The following MDFIC variants were observed in gnomAD, a reference collection of about 807,000 sequenced individuals.
MDFIC encodes myoD family inhibitor domain-containing protein.
MDFIC carries 17 observed loss-of-function variants against 23.2 expected under a neutral mutation model. That is an observed-to-expected ratio of 0.73 (90% CI 0.50 to 1.10). The LOEUF (loss-of-function observed/expected upper bound fraction) is 1.10, where lower values mean the gene tolerates loss of function less well. Ranked by LOEUF, MDFIC falls within the 50% of genes least tolerant of loss-of-function variation. MDFIC has a pLI of 0.00. For synonymous variants in MDFIC, 120 were observed against 115.2 expected (o/e 1.04, Z -0.27); for missense variants, 356 against 316.6 (o/e 1.12, Z -0.95).
At position 114,979,445 on chromosome 7, in the gene MDFIC, T is replaced by G. The variant is rs946946352; in HGVS notation, c.218-61T>G. The G allele has an allele frequency of 4.7e-6, 7 of 1,474,316 alleles. No homozygotes were observed. In the African/African-American group the frequency reaches 1.0e-4, roughly 21 times the overall value. The allele number at this position is 1,474,316 out of a possible 1,614,324, so 91.3% of individuals were successfully genotyped here. On this transcript the variant is annotated intron_variant, in intron 3 of 4. Coordinates refer to ENST00000393486, the MANE Select transcript of MDFIC (RefSeq NM_001166345.3). ...TCTCTGTTACTGAATGTATTTTCAT[T>G]ATTTTAAAATATTAATTTCTTTTTC...
chr7:114,934,913 T>C (rs1406158013), intron 2 of MDFIC, among the ~76,000 whole-genome samples: 1 of 152,140 alleles, frequency 6.6e-6, no homozygotes, highest in Non-Finnish European at 1.5e-5. Context: ...GTCATTAGGC[T>C]TGAGGGTTTT....
intron 3 of MDFIC, among the ~76,000 whole-genome samples, chr7:114,957,017 T>C (rs1409723848): frequency 6.6e-6 from 1 of 152,160 alleles, no homozygotes; most frequent in Non-Finnish European, 1.5e-5. Context: ...AGAGATGTCA[T>C]CATTGTTCAG....
intron 4 of MDFIC, chr7:114,980,037 T>C (rs538267262): frequency 3.2e-4 from 155 of 482,750 alleles, no homozygotes; most frequent in Non-Finnish European, 4.7e-4. Context: ...GCTATACTTC[T>C]TTTTTTAATG....
At chr7:115,009,630 T>C (rs1484391414) in intron 4 of MDFIC, among the ~76,000 whole-genome samples, 1 of 152,208 alleles carries the variant, frequency 6.6e-6, no homozygotes, top group African/African-American at 2.4e-5. Context: ...TTCACCAGAC[T>C]TCTAAGATGC....
At position 114,995,104 on chromosome 7, in the gene MDFIC, C is replaced by T. The variant is rs183367790; in HGVS notation, c.493+15323C>T. On this transcript the variant is annotated intron_variant, in intron 4 of 4. Transcript: ENST00000393486. ...CACTTCATTTCATTCATTTGATCTT[C>T]AGTCACTGATACCCTTTCTTCCAGT... is the stretch of plus-strand genomic sequence containing the variant. Among the ~76,000 whole-genome samples the T allele has an allele frequency of 2.7e-3, 407 of 152,294 alleles. 1 individual carries two copies. The highest frequency in any genetic ancestry group is 8.6e-3 in the African/African-American group (358 of 41,554).
chr7:114,960,117 C>T (rs1792958106), intron 3 of MDFIC, among the ~76,000 whole-genome samples: 1 of 152,138 alleles, frequency 6.6e-6, no homozygotes, highest in Non-Finnish European at 1.5e-5. Flanking sequence ...TAAACTTTTG[C>T]ATCTTTGAAA....
intron 4 of MDFIC, among the ~76,000 whole-genome samples, chr7:114,990,650 C>A (rs906196693): frequency 1.3e-5 from 2 of 152,164 alleles, no homozygotes; most frequent in Non-Finnish European, 2.9e-5. Flanking sequence ...TTTCCAGATT[C>A]ATCCATGTCC....
chr7:114,942,758 G>T (rs1245147359), intron 3 of MDFIC, among the ~76,000 whole-genome samples: 1 of 152,078 alleles, frequency 6.6e-6, no homozygotes, highest in Non-Finnish European at 1.5e-5. Flanking sequence ...TGCTACTATG[G>T]TCTCTGTTCT....
At position 115,015,901 on chromosome 7, in the gene MDFIC, G is replaced by A; in HGVS notation, c.707G>A (p.Cys236Tyr). 6.2e-7 allele frequency: 1 copy of A among 1,614,002 alleles called. No individual in the cohort carries two copies. The highest frequency in any genetic ancestry group is 8.5e-7 in the Non-Finnish European group (1 of 1,179,946). Residue 236 changes from cysteine (C) to tyrosine (Y), a missense_variant, in exon 5 of 5, where the codon TGT (cysteine) becomes TAT (tyrosine). By Grantham distance (194) the Cys-to-Tyr change is radical. Coordinates refer to ENST00000393486, the MANE Select transcript of MDFIC (RefSeq NM_001166345.3). Reference sequence around the variant, plus strand: ...GAATCATCAGACTGCTTGGAAATCTGTATGGAATGCTGTGGAATTTGTTTT... The same window carrying A: ...GAATCATCAGACTGCTTGGAAATCTATATGGAATGCTGTGGAATTTGTTTT... ...CCESSDCLEI[C>Y]MECCGICFPS
At chr7:114,986,869 GA>G (rs1793524331) in intron 4 of MDFIC, among the ~76,000 whole-genome samples, 1 of 152,140 alleles carries the variant, frequency 6.6e-6, no homozygotes, top group African/African-American at 2.4e-5. Flanking sequence ...TAATCTCACT[GA>G]AAGCAGAGTC....
intron 4 of MDFIC, among the ~76,000 whole-genome samples, chr7:114,992,832 A>T (rs10278949): frequency 6.6e-6 from 1 of 152,174 alleles, no homozygotes; most frequent in Non-Finnish European, 1.5e-5. Flanking sequence ...TATCTCTGCC[A>T]GGCTTTGGTA....
intron 4 of MDFIC, among the ~76,000 whole-genome samples, chr7:114,998,638 A>AT (rs1352570470): frequency 6.6e-6 from 1 of 151,988 alleles, no homozygotes; most frequent in African/African-American, 2.4e-5. Context: ...TATATTTTAT[A>AT]TTTTTTATTA....
intron 4 of MDFIC, among the ~76,000 whole-genome samples, chr7:114,982,074 T>A (rs1225626196): frequency 6.6e-6 from 1 of 152,208 alleles, no homozygotes; most frequent in Admixed American, 6.5e-5. Context: ...TAAGTTCGGT[T>A]CCAAGATTCT....
chr7:115,000,463 T>G (rs1455441961), intron 4 of MDFIC, among the ~76,000 whole-genome samples: 1 of 152,180 alleles, frequency 6.6e-6, no homozygotes, highest in Non-Finnish European at 1.5e-5. Flanking sequence ...TTTATCTCCA[T>G]GGCACACCAC....
rs1237300160 is a variant in MDFIC at position 115,007,628 on chromosome 7, G to GTA, written c.494-8059_494-8058insAT. Among the ~76,000 whole-genome samples the GTA allele has an allele frequency of 8.4e-3, 337 of 39,936 alleles. 2 individuals carry two copies. The highest frequency in any genetic ancestry group is 0.02 in the African/African-American group (302 of 15,076). 26.2% of individuals were successfully genotyped at this position (39,936 alleles called of 152,430 possible). Reference sequence around the variant, plus strand: ...ATCTATCTATCTAGTGTGCGTGTGTGTGTATATATATATATATATATATAT... The same window carrying GTA: ...ATCTATCTATCTAGTGTGCGTGTGTGTATGTATATATATATATATATATATAT... On this transcript the variant is annotated intron_variant, in intron 4 of 4. Coordinates refer to ENST00000393486, the MANE Select transcript of MDFIC (RefSeq NM_001166345.3).
intron 3 of MDFIC, among the ~76,000 whole-genome samples, chr7:114,974,616 A>G (rs546960837): frequency 2.0e-5 from 3 of 152,256 alleles, no homozygotes; most frequent in African/African-American, 7.2e-5. Flanking sequence ...TGCACATGCT[A>G]ATAGATTATA....
chr7:115,009,432 G>A (rs990908277), intron 4 of MDFIC, among the ~76,000 whole-genome samples: 1 of 152,186 alleles, frequency 6.6e-6, no homozygotes, highest in Non-Finnish European at 1.5e-5. Context: ...ATAGTTTTCT[G>A]ATGGCTCAAT....
At chr7:115,004,190 C>T (rs1290993050) in intron 4 of MDFIC, among the ~76,000 whole-genome samples, 1 of 152,160 alleles carries the variant, frequency 6.6e-6, no homozygotes, top group Non-Finnish European at 1.5e-5. Context: ...TTTTGAACCT[C>T]AGGTTCCTCA....
Position 114,922,569 on chromosome 7 carries a change from C to G in MDFIC, c.-175C>G. On this transcript the variant is annotated 5_prime_UTR_variant, in exon 1 of 5. Coordinates refer to ENST00000393486, the MANE Select transcript of MDFIC (RefSeq NM_001166345.3). Reference sequence around the variant, plus strand: ...GCGGCCGCTGCCGGAGGCTCGCTAACTTTCCGGGGCGGAAGAGGAGGAGGA... The same window carrying G: ...GCGGCCGCTGCCGGAGGCTCGCTAAGTTTCCGGGGCGGAAGAGGAGGAGGA... 1.6e-6 allele frequency: 2 copies of G among 1,268,750 alleles called. No homozygotes were observed. The highest frequency in any genetic ancestry group is 2.0e-6 in the Non-Finnish European group (2 of 1,000,168). 78.6% of individuals were successfully genotyped at this position (1,268,750 alleles called of 1,614,324 possible).
Sources: allele counts gnomAD v4.1 joint callset (sites outside exome capture counted in the v4.1 genomes callset), GRCh38; gene constraint gnomAD v4.1.1; transcripts MANE v1.5; gene names NCBI Gene and HGNC (gene_info 2026-07-23, HGNC 2026-07-21).